The following NEO1 variants were observed in gnomAD, a reference collection of about 807,000 sequenced individuals.
NEO1 encodes neogenin 1, also known as neogenin.
In NEO1, 63 loss-of-function variants were observed where a neutral mutation model predicts 159.7. The observed-to-expected ratio is 0.39, with a 90% CI of 0.32 to 0.49. The LOEUF (loss-of-function observed/expected upper bound fraction) is 0.49. NEO1 is among the 20% of genes least tolerant of loss of function. The pLI, the probability that NEO1 is intolerant of heterozygous loss-of-function variation, is 0.85. For missense variants in NEO1, 1,615 were observed against 1,831.0 expected (o/e 0.88, Z 2.15); for synonymous variants, 633 against 662.0 (o/e 0.96, Z 0.67).
chr15:73,198,208 C>A (rs893977757), intron 7 of NEO1, among the ~76,000 whole-genome samples: 99 of 152,046 alleles, frequency 6.5e-4, no homozygotes, highest in African/African-American at 2.4e-3. Flanking sequence ...ATCATGATAC[C>A]TTTTCCCTCA....
chr15:73,221,365 C>T (rs971280092), intron 7 of NEO1, among the ~76,000 whole-genome samples: 2 of 152,200 alleles, frequency 1.3e-5, no homozygotes, highest in African/African-American at 4.8e-5. Flanking sequence ...TTAGGCTGCT[C>T]AGGGGTCAGG....
chr15:73,132,219 T>C (rs760461081), intron 4 of NEO1, among the ~76,000 whole-genome samples: 2 of 152,236 alleles, frequency 1.3e-5, no homozygotes, highest in Non-Finnish European at 2.9e-5. Flanking sequence ...TTACCTTCTT[T>C]ATCCAACTTT....
chr15:73,301,545 A>G, intron 28 of NEO1, 88 bp downstream of exon 28: 1 of 1,562,560 alleles, frequency 6.4e-7, no homozygotes, highest in Non-Finnish European at 8.7e-7. Flanking sequence ...TAATCTGTGC[A>G]TACCAGGCCC....
chr15:73,057,151 C>A (rs1230994278), intron 1 of NEO1, among the ~76,000 whole-genome samples: 1 of 152,144 alleles, frequency 6.6e-6, no homozygotes, highest in Non-Finnish European at 1.5e-5. Context: ...TAAAATTGTT[C>A]ATAAACTATA....
rs764982012 is a variant in NEO1 at position 73,176,384 on chromosome 15, T to A, written c.1016-19T>A. 12 of 1,498,578 alleles carry A rather than the reference T, an allele frequency of 8.0e-6. No individual in the cohort carries two copies. Among genetic ancestry groups the A allele is most frequent in the Non-Finnish European group, 9.0e-6 (10 of 1,112,072 alleles). The allele number at this position is 1,498,578 out of a possible 1,614,324, so 92.8% of individuals were successfully genotyped here. A position where few individuals can be genotyped will look rare whatever the true frequency, so the allele number is the denominator to read the frequency against. On this transcript the variant is annotated intron_variant, in intron 5 of 28. Transcript: ENST00000261908. ...AGTTCTATTTTCATTAATGTCTTAA[T>A]TTCCTTTTTATTTTAAAGCTCAACC...
At chr15:73,161,762 A>C (rs550027770) in intron 5 of NEO1, 1 of 276,002 alleles carries the variant, frequency 3.6e-6, no homozygotes, top group Non-Finnish European at 7.0e-6. Flanking sequence ...AAAACTGCTT[A>C]AACTATTTTC....
intron 23 of NEO1, among the ~76,000 whole-genome samples, chr15:73,284,311 A>T (rs963736053): frequency 6.6e-6 from 1 of 152,340 alleles, no homozygotes; most frequent in African/African-American, 2.4e-5. Flanking sequence ...GTGATTATCC[A>T]TGCAGACTTG....
intron 7 of NEO1, chr15:73,221,735 G>T (rs544932867): frequency 1.4e-3 from 222 of 154,814 alleles, no homozygotes; most frequent in Admixed American, 2.3e-3. Context: ...CTCTGAGCCA[G>T]GTGCGGGATA....
At chr15:73,063,062 A>T (rs1279628551) in intron 1 of NEO1, among the ~76,000 whole-genome samples, 1 of 152,226 alleles carries the variant, frequency 6.6e-6, no homozygotes, top group South Asian at 2.1e-4. Flanking sequence ...CCACTATTCA[A>T]GATACCACTA....
At chr15:73,156,971 G>T (rs963947448) in intron 5 of NEO1, among the ~76,000 whole-genome samples, 2 of 152,170 alleles carry the variant, frequency 1.3e-5, no homozygotes, top group South Asian at 4.1e-4. Flanking sequence ...GTATGGAGGG[G>T]CAGTCCCAGC....
In NEO1 at chr15:73,253,408, G is replaced by A. The variant is rs747902451; in HGVS notation, c.1903G>A (p.Ala635Thr). 23 of 1,575,578 alleles carry A rather than the reference G, an allele frequency of 1.5e-5. No homozygotes were observed. The East Asian group carries it at 5.0e-4, about 34-fold the overall frequency. ...AVRTLSDVPS[A>T]APQNLSLEVR... Reference sequence around the variant, plus strand: ...TTTTTTTGTTTCTCTAGTTCCCAGTGCTGCTCCTCAGAATCTGTCCTTGGA... The same window carrying A: ...TTTTTTTGTTTCTCTAGTTCCCAGTACTGCTCCTCAGAATCTGTCCTTGGA... The change falls in exon 12 of 29, where the codon GCT becomes ACT. Residue 635 changes from alanine to threonine, a missense_variant. Ala to Thr is a moderately conservative substitution (Grantham distance 58). Around this residue, in one of 3 missense-constraint regions of NEO1, gnomAD observed 1,018 missense variants for 1,115.4 expected, o/e 0.91. Coordinates refer to ENST00000261908, the MANE Select transcript of NEO1 (RefSeq NM_002499.4).
intron 1 of NEO1, among the ~76,000 whole-genome samples, chr15:73,089,709 T>C (rs924942910): frequency 6.6e-6 from 1 of 152,128 alleles, no homozygotes. Flanking sequence ...GGAATATAGA[T>C]TGATACAGCC....
chr15:73,228,468 T>G (rs1342509742), intron 7 of NEO1, among the ~76,000 whole-genome samples: 5 of 149,038 alleles, frequency 3.4e-5, no homozygotes, highest in East Asian at 1.9e-4. Context: ...GGTATAAGTT[T>G]TTTTTTTTTT....
intron 5 of NEO1, among the ~76,000 whole-genome samples, chr15:73,170,952 A>T (rs2034920172): frequency 1.3e-5 from 2 of 151,934 alleles, no homozygotes; most frequent in South Asian, 4.2e-4. Flanking sequence ...GACACACATG[A>T]TGAACCTCCT....
chr15:73,095,674 T>G (rs923567471), intron 1 of NEO1, among the ~76,000 whole-genome samples: 1 of 30,950 alleles, frequency 3.2e-5, no homozygotes, highest in Non-Finnish European at 8.3e-5. Context: ...TCTTTATTTG[T>G]TTTTTTTTTT....
intron 26 of NEO1, among the ~76,000 whole-genome samples, chr15:73,295,150 A>T (rs2042314189): frequency 6.8e-6 from 1 of 146,608 alleles, no homozygotes; most frequent in African/African-American, 2.5e-5. Flanking sequence ...ATATGTAAAA[A>T]TTTGGCCTTT....
chr15:73,091,600 T>C (rs1310686549), intron 1 of NEO1, among the ~76,000 whole-genome samples: 1 of 152,136 alleles, frequency 6.6e-6, no homozygotes, highest in African/African-American at 2.4e-5. Flanking sequence ...TCTCACTCTG[T>C]GTCCCAGGGT....
intron 22 of NEO1, among the ~76,000 whole-genome samples, chr15:73,280,869 C>T (rs1035009742): frequency 4.6e-5 from 7 of 151,996 alleles, no homozygotes; most frequent in African/African-American, 1.5e-4. Flanking sequence ...GTTAATCCGG[C>T]GTTGTGGAAG....
chr15:73,221,487 G>A (rs1012689156), intron 7 of NEO1, among the ~76,000 whole-genome samples: 2 of 152,230 alleles, frequency 1.3e-5, no homozygotes, highest in Non-Finnish European at 2.9e-5. Context: ...TAAGTCTGCA[G>A]AGGTTACTGC....
Sources: allele counts gnomAD v4.1 joint callset (sites outside exome capture counted in the v4.1 genomes callset), GRCh38; gene constraint gnomAD v4.1.1; regional missense constraint gnomAD v4.1.1; transcripts MANE v1.5; gene names NCBI Gene and HGNC (gene_info 2026-07-23, HGNC 2026-07-21).